Variants in FAM168A observed in about 807,000 individuals in gnomAD.
FAM168A encodes the protein protein FAM168A.
FAM168A carries 3 observed loss-of-function variants against 28.5 expected under a neutral mutation model. The observed-to-expected ratio is 0.11, with a 90% confidence interval of 0.05 to 0.27. The LOEUF (loss-of-function observed/expected upper bound fraction) is 0.27, where lower values mean the gene tolerates loss of function less well. FAM168A is among the 10% of genes least tolerant of loss of function. FAM168A has a pLI of 1.00. For missense variants in FAM168A, 222 were observed against 311.5 expected (o/e 0.71, Z 2.16); for synonymous variants, 122 against 124.2 (o/e 0.98, Z 0.12).
intron 2 of FAM168A, among the ~76,000 whole-genome samples, chr11:73,432,064 A>G (rs751896314): frequency 2.0e-5 from 3 of 152,214 alleles, no homozygotes; most frequent in African/African-American, 7.2e-5. Context: ...CACTTAGCAT[A>G]ATGTGTTTAA....
chr11:73,573,081 T>TA (rs1944125960), intron 1 of FAM168A, among the ~76,000 whole-genome samples: 1 of 152,116 alleles, frequency 6.6e-6, no homozygotes, highest in African/African-American at 2.4e-5. Context: ...TGCACCTCTT[T>TA]AAATGAAGAT....
chr11:73,503,512 A>G (rs1408728996), intron 1 of FAM168A, among the ~76,000 whole-genome samples: 1 of 152,228 alleles, frequency 6.6e-6, no homozygotes, highest in Non-Finnish European at 1.5e-5. Flanking sequence ...GGACACAAAC[A>G]AATGGAAAAA....
intron 1 of FAM168A, among the ~76,000 whole-genome samples, chr11:73,532,859 A>AT (rs1214603281): frequency 6.6e-6 from 1 of 152,188 alleles, no homozygotes; most frequent in African/African-American, 2.4e-5. Context: ...GTCATGCCTT[A>AT]TTTTTTCAGG....
chr11:73,520,405 A>C (rs1213553160), intron 1 of FAM168A, among the ~76,000 whole-genome samples: 2 of 152,068 alleles, frequency 1.3e-5, no homozygotes, highest in Admixed American at 1.3e-4. Flanking sequence ...AAACAAAATA[A>C]CTCAAGTAAT....
At chr11:73,514,343 G>GA (rs974018386) in intron 1 of FAM168A, among the ~76,000 whole-genome samples, 8 of 151,952 alleles carry the variant, frequency 5.3e-5, no homozygotes, top group South Asian at 2.1e-4. Flanking sequence ...CTGCTTTTGA[G>GA]AAAAAAAACT....
At chr11:73,447,007 C>T (rs1867328647) in intron 2 of FAM168A, among the ~76,000 whole-genome samples, 1 of 152,212 alleles carries the variant, frequency 6.6e-6, no homozygotes, top group Admixed American at 6.5e-5. Flanking sequence ...TCTTCTCTTG[C>T]CACGCCGGGT....
chr11:73,420,912 G>A (rs964541920), intron 3 of FAM168A: 5 of 152,608 alleles, frequency 3.3e-5, no homozygotes, highest in African/African-American at 4.8e-5. Context: ...CTGAGGGAAG[G>A]AGAAGAGAAA....
intron 1 of FAM168A, among the ~76,000 whole-genome samples, chr11:73,540,463 C>T (rs781371202): frequency 6.6e-6 from 1 of 152,158 alleles, no homozygotes; most frequent in African/African-American, 2.4e-5. Context: ...CCCACTCCCA[C>T]CCCTACCAAG....
intron 4 of FAM168A, among the ~76,000 whole-genome samples, chr11:73,417,932 C>G (rs780502251): frequency 7.2e-5 from 11 of 152,164 alleles, no homozygotes; most frequent in Non-Finnish European, 1.3e-4. Flanking sequence ...CTGGGTGATA[C>G]CTTTTTCCGG....
At chr11:73,457,498 G>A (rs1018398206) in intron 2 of FAM168A, among the ~76,000 whole-genome samples, 1 of 151,696 alleles carries the variant, frequency 6.6e-6, no homozygotes, top group African/African-American at 2.4e-5. Flanking sequence ...CAGAATTTCT[G>A]TTGATGAAAA....
chr11:73,473,028 G>C lies in FAM168A; in HGVS notation c.-18-4536C>G, dbSNP rs113691923. Among the ~76,000 whole-genome samples, 376 of 151,718 alleles carry C rather than the reference G, an allele frequency of 2.5e-3. 2 individuals are homozygous for C. The highest frequency in any genetic ancestry group is 4.0e-3 in the Non-Finnish European group (273 of 67,876). The stretch of plus-strand genomic sequence containing the variant: ...TGGTTCTGTGGAGGTTAAAAAAAAA[G>C]GAAAAAAAATAATAAATACTACCCC... On this transcript the variant is annotated intron_variant, in intron 1 of 7. Transcript: ENST00000356467.
chr11:73,533,231 T>C (rs772562143), intron 1 of FAM168A, among the ~76,000 whole-genome samples: 1 of 152,114 alleles, frequency 6.6e-6, no homozygotes, highest in Non-Finnish European at 1.5e-5. Flanking sequence ...CTTTAAAAAA[T>C]GAGATAATAT....
intron 1 of FAM168A, among the ~76,000 whole-genome samples, chr11:73,596,475 C>G (rs561954655): frequency 3.9e-5 from 6 of 152,118 alleles, no homozygotes; most frequent in Non-Finnish European, 8.8e-5. Flanking sequence ...TTCAACTTTA[C>G]CCTTTGGGCT....
chr11:73,432,439 T>TTTATTATTA (rs60205385), intron 2 of FAM168A, among the ~76,000 whole-genome samples: 2 of 151,224 alleles, frequency 1.3e-5, no homozygotes, highest in African/African-American at 4.9e-5. Flanking sequence ...CAACCCTTGT[T>TTTATTATTA]TTATTATTAT....
At chr11:73,457,725 A>T (rs1328323871) in intron 2 of FAM168A, among the ~76,000 whole-genome samples, 2 of 96,614 alleles carry the variant, frequency 2.1e-5, no homozygotes, top group African/African-American at 1.8e-4. Flanking sequence ...CTGGGTGACA[A>T]AAAAAAAAAA....
At chr11:73,564,503 C>T (rs1384731178) in intron 1 of FAM168A, among the ~76,000 whole-genome samples, 1 of 151,774 alleles carries the variant, frequency 6.6e-6, no homozygotes, top group East Asian at 1.9e-4. Context: ...CTTTGGGAGG[C>T]CAAGGTGGGC....
intron 1 of FAM168A, among the ~76,000 whole-genome samples, chr11:73,515,537 AC>A (rs1943290921): frequency 6.6e-6 from 1 of 151,436 alleles, no homozygotes; most frequent in Non-Finnish European, 1.5e-5. Context: ...AAAAGAAACA[AC>A]TATCTATTAA....
intron 1 of FAM168A, among the ~76,000 whole-genome samples, chr11:73,579,491 A>C (rs1398485871): frequency 6.6e-6 from 1 of 152,226 alleles, no homozygotes; most frequent in Non-Finnish European, 1.5e-5. Flanking sequence ...GCTGAGATTT[A>C]AACTCACCTT....
chr11:73,436,947 G>C (rs1458337170), intron 2 of FAM168A, among the ~76,000 whole-genome samples: 3 of 152,204 alleles, frequency 2.0e-5, no homozygotes, highest in African/African-American at 7.2e-5. Flanking sequence ...CCACTCAGTG[G>C]AAAGGTCATG....
Sources: allele counts gnomAD v4.1 joint callset (sites outside exome capture counted in the v4.1 genomes callset), GRCh38; gene constraint gnomAD v4.1.1; transcripts MANE v1.5; gene names NCBI Gene and HGNC (gene_info 2026-07-23, HGNC 2026-07-21).